The following ZNF273 variants were observed in gnomAD, a reference collection of about 807,000 sequenced individuals.
The protein encoded by ZNF273 is zinc finger protein 9.
A neutral mutation model predicts 14.9 loss-of-function variants in ZNF273; 11 were observed. That is an observed-to-expected ratio of 0.74 (90% confidence interval 0.46 to 1.22). The LOEUF (loss-of-function observed/expected upper bound fraction) is 1.22. Ranked by LOEUF, ZNF273 falls within the 50% of genes most tolerant of loss-of-function variation. The pLI is 0.00. For missense variants in ZNF273, 577 were observed against 660.6 expected, an observed-to-expected ratio of 0.87 and a Z score of 1.39; for synonymous variants, 199 against 223.9, an observed-to-expected ratio of 0.89 and a Z score of 0.99.
At chr7:64,898,216 A>G (rs1402833025) in intron 4 of ZNF273, among the ~76,000 whole-genome samples, 1 of 152,238 alleles carries the variant, frequency 6.6e-6, no homozygotes, top group Non-Finnish European at 1.5e-5. Context: ...TATTAAAAAT[A>G]GTATTTTATA....
chr7:64,890,101 G>A (rs981094808), downstream of ZNF273: 4 of 152,280 alleles, frequency 2.6e-5, no homozygotes, highest in African/African-American at 9.7e-5. Flanking sequence ...GGCTGTGAGG[G>A]GGAATGAGGG....
chr7:64,928,813 T>C lies in ZNF273; in HGVS notation c.1485T>C (p.Phe495=), dbSNP rs773626862. The change falls in exon 4 of 4, where the codon TTT becomes TTC. Residue 495 remains phenylalanine (F), a synonymous_variant. Transcript: ENST00000476120. ...AATGCAATGAATGTGGTAAAGCCTTTAACTGGTCCTCAACTCTTACTAAAC... is the reference window on the plus strand; with the variant it reads ...AATGCAATGAATGTGGTAAAGCCTTCAACTGGTCCTCAACTCTTACTAAAC... ...PYKCNECGKA[F]NWSSTLTKHK... is the part of the protein sequence containing the mutation. 5.0e-6 allele frequency: 8 copies of C among 1,613,830 alleles called. No homozygotes were observed. The South Asian group carries it at 8.8e-5, about 18-fold the overall frequency.
chr7:64,895,623 T>A (rs974353859), intron 3 of ZNF273, among the ~76,000 whole-genome samples: 1 of 152,216 alleles, frequency 6.6e-6, no homozygotes, highest in Admixed American at 6.5e-5. Flanking sequence ...TGTTGGCAAC[T>A]CAGTATTACA....
upstream of ZNF273, among the ~76,000 whole-genome samples, chr7:64,899,182 A>G (rs1174165219): frequency 6.6e-6 from 1 of 152,250 alleles, no homozygotes; most frequent in East Asian, 1.9e-4. Flanking sequence ...AATTGAGCAA[A>G]GCAAAAATCT....
At chr7:64,925,339 T>C (rs933025834) in intron 3 of ZNF273, among the ~76,000 whole-genome samples, 32 of 152,152 alleles carry the variant, frequency 2.1e-4, no homozygotes, top group Non-Finnish European at 1.5e-5. Flanking sequence ...CAGATATTTT[T>C]TGGGGTACCT....
intron 1 of ZNF273, among the ~76,000 whole-genome samples, chr7:64,912,140 A>G (rs1562958864): frequency 6.6e-6 from 1 of 152,130 alleles, no homozygotes; most frequent in Non-Finnish European, 1.5e-5. Flanking sequence ...TCTAATTTTA[A>G]TAGAGTCGAC....
intron 1 of ZNF273, among the ~76,000 whole-genome samples, 197 bp downstream of exon 1, chr7:64,903,616 G>A (rs950715526): frequency 1.1e-4 from 16 of 152,334 alleles, no homozygotes; most frequent in African/African-American, 3.8e-4. Context: ...GATCCCGGGC[G>A]TCCTGTCTCC....
At chr7:64,914,350 T>TTA (rs528725078) in intron 1 of ZNF273, among the ~76,000 whole-genome samples, 7 of 143,448 alleles carry the variant, frequency 4.9e-5, no homozygotes, top group Admixed American at 4.2e-4. Flanking sequence ...TTCTGCTATT[T>TTA]AAAAAAAAAA....
In ZNF273 at chr7:64,927,822, G is replaced by A. The variant is rs1344243544; in HGVS notation, c.494G>A (p.Gly165Glu). Reference protein sequence around the residue: ...EHKVHKRGYNGLNQCLTTTQS... With the variant: ...EHKVHKRGYNELNQCLTTTQS... ...AAGGTGCACAAAAGAGGTTATAATGGACTTAACCAATGTTTGACAACTACC... is the reference window on the plus strand; with the variant it reads ...AAGGTGCACAAAAGAGGTTATAATGAACTTAACCAATGTTTGACAACTACC... Residue 165 changes from glycine to glutamate, a missense_variant, in exon 4 of 4, where the codon GGA (glycine) becomes GAA (glutamate). By Grantham distance (98) the Gly-to-Glu change is moderately conservative. Coordinates refer to ENST00000476120, the MANE Select transcript of ZNF273 (RefSeq NM_021148.3). The A allele has an allele frequency of 1.2e-6, 2 of 1,613,864 alleles. No homozygotes were observed. Among genetic ancestry groups the A allele is most frequent in the Non-Finnish European group, 1.7e-6 (2 of 1,179,986 alleles).
At chr7:64,888,060 T>G (rs190983492) in intron 1 of ZNF273, among the ~76,000 whole-genome samples, 1 of 152,190 alleles carries the variant, frequency 6.6e-6, no homozygotes, top group Non-Finnish European at 1.5e-5. Context: ...AGGCAGGACC[T>G]GCCCAAGTGG....
downstream of ZNF273, among the ~76,000 whole-genome samples, chr7:64,883,906 C>T (rs1167309805): frequency 6.6e-6 from 1 of 152,214 alleles, no homozygotes; most frequent in East Asian, 1.9e-4. Context: ...CGTCTAAACA[C>T]TGTCACGTTT....
chr7:64,885,660 A>G (rs1336187042), intron 1 of ZNF273, among the ~76,000 whole-genome samples: 1 of 152,180 alleles, frequency 6.6e-6, no homozygotes, highest in Non-Finnish European at 1.5e-5. Context: ...GGAAGTGAGG[A>G]GGCATAATAG....
chr7:64,919,943 C>T (rs535744322), intron 3 of ZNF273, among the ~76,000 whole-genome samples: 3 of 151,518 alleles, frequency 2.0e-5, no homozygotes, highest in African/African-American at 7.3e-5. Context: ...CTAATACATA[C>T]TTCCAGTGCT....
upstream of ZNF273, among the ~76,000 whole-genome samples, chr7:64,898,936 C>T (rs1447561600): frequency 2.0e-5 from 3 of 151,204 alleles, no homozygotes; most frequent in Non-Finnish European, 2.9e-5. Flanking sequence ...CAATTATTTG[C>T]TTTGCTGAAA....
At chr7:64,904,091 T>C (rs1792919965) in intron 1 of ZNF273, among the ~76,000 whole-genome samples, 1 of 152,214 alleles carries the variant, frequency 6.6e-6, no homozygotes, top group Non-Finnish European at 1.5e-5. Flanking sequence ...GTTAGATTTT[T>C]TTTTCTTTCT....
At chr7:64,920,141 C>T (rs56228787) in intron 3 of ZNF273, among the ~76,000 whole-genome samples, 33,167 of 151,644 alleles carry the variant, frequency 0.22, 4,622 homozygotes, top group Non-Finnish European at 0.31. Flanking sequence ...GTAGCTTGCT[C>T]ACAAGGATGC....
Position 64,912,832 on chromosome 7 carries a change from T to TGTTGTTGTTG in ZNF273, c.103-4749_103-4748insGTTGTTGTTG, listed in dbSNP as rs1554386326. 5.0e-3 allele frequency among the ~76,000 whole-genome samples: 305 copies of TGTTGTTGTTG among 61,172 alleles called. 10 individuals carry two copies. The highest frequency in any genetic ancestry group is 0.011 in the South Asian group (14 of 1,284). 40.1% of individuals were successfully genotyped at this position (61,172 alleles called of 152,430 possible). A position where few individuals can be genotyped will look rare whatever the true frequency, so the allele number is the denominator to read the frequency against. On this transcript the variant is annotated intron_variant, in intron 1 of 3. Transcript: ENST00000476120. The stretch of plus-strand genomic sequence containing the variant: ...TGACTCAGGATTCATTTTAGTTTTT[T>TGTTGTTGTTG]TTTTTTTTTTTTTTGAGATTGAGTT...
rs1376839123 is a variant in ZNF273 at position 64,930,190 on chromosome 7, T to G, written c.*1152T>G. On this transcript the variant is annotated 3_prime_UTR_variant, in exon 4 of 4. Transcript: ENST00000476120. ...ATGTTTTTTCTTCATTCCTATTGTA[T>G]TCACATGTGAAAGCATGTGATCAAC... 1 of 152,202 alleles carries G rather than the reference T, an allele frequency of 6.6e-6. No homozygotes were observed. The highest frequency in any genetic ancestry group is 2.4e-5 in the African/African-American group (1 of 41,458). The allele number at this position is 152,202 out of a possible 1,614,324, so 9.4% of individuals were successfully genotyped here.
At chr7:64,923,886 A>C (rs1794644874) in intron 3 of ZNF273, 1 of 151,852 alleles carries the variant, frequency 6.6e-6, no homozygotes, top group Admixed American at 6.6e-5. Context: ...ATATGTTTTA[A>C]AATCAGAAAC....
Sources: allele counts gnomAD v4.1 joint callset (sites outside exome capture counted in the v4.1 genomes callset), GRCh38; gene constraint gnomAD v4.1.1; transcripts MANE v1.5; gene names NCBI Gene and HGNC (gene_info 2026-07-23, HGNC 2026-07-21).